Variants in SLC26A11 observed in about 807,000 individuals in gnomAD.
SLC26A11 encodes the protein sodium-independent sulfate anion transporter.
SLC26A11 carries 58 observed loss-of-function variants against 62.2 expected under a neutral mutation model. The ratio of observed to expected loss-of-function variants is 0.93; its 90% confidence interval spans 0.76 to 1.16. The LOEUF is 1.16. Ranked by LOEUF, SLC26A11 falls within the 50% of genes most tolerant of loss-of-function variation. The probability of loss-of-function intolerance (pLI) is 0.00; values close to 1 mark genes in which losing one functional copy is unlikely to be tolerated. For missense variants in SLC26A11, 790 were observed against 794.3 expected (o/e 0.99, Z 0.06); for synonymous variants, 411 against 368.9 (o/e 1.11, Z -1.31).
At chr17:80,245,659 T>G (rs936492749) in intron 11 of SLC26A11, among the ~76,000 whole-genome samples, 1 of 152,172 alleles carries the variant, frequency 6.6e-6, no homozygotes, top group African/African-American at 2.4e-5. Context: ...AAAGCCCTCC[T>G]AGCTCCTGGT....
At chr17:80,229,326 C>G (rs534045362) in intron 7 of SLC26A11, among the ~76,000 whole-genome samples, 1 of 152,258 alleles carries the variant, frequency 6.6e-6, no homozygotes, top group South Asian at 2.1e-4. Flanking sequence ...CTTCCAGTCC[C>G]AGCCTGGCCT....
chr17:80,220,618 TCC>T, intron 1 of SLC26A11, 122 bp downstream of exon 1: 1 of 308,278 alleles, frequency 3.2e-6, no homozygotes, highest in East Asian at 5.3e-5. Flanking sequence ...TGCGGGGGCC[TCC>T]CGTGGGGACC....
At chr17:80,244,974 CAAAAAAAAAAAAAA>C (rs34294039) in intron 10 of SLC26A11, among the ~76,000 whole-genome samples, 3 of 67,726 alleles carry the variant, frequency 4.4e-5, no homozygotes, top group East Asian at 4.5e-4. Context: ...GACTCTGTCT[CAAAAAAAAAAAAAA>C]AAAAAAAAAG....
At position 80,223,310 on chromosome 17, in the gene SLC26A11, C is replaced by T. The variant is rs779579035; in HGVS notation, c.486C>T (p.Ala162=). Residue 162 remains alanine (A), a synonymous_variant, in exon 5 of 18, where the codon GCC becomes GCT. Transcript: ENST00000361193. The surrounding 1 kb of genome is among the most constrained non-coding windows in gnomAD (Gnocchi z 4.6). ...TTAAAGGCTTCACCTCTGCTGCTGCCGTCACCATCGGCTTTGGACAGATCA... is the reference window on the plus strand; with the variant it reads ...TTAAAGGCTTCACCTCTGCTGCTGCTGTCACCATCGGCTTTGGACAGATCA... ...PVIKGFTSAA[A]VTIGFGQIKN... 2.9e-5 allele frequency: 47 copies of T among 1,614,034 alleles called. No homozygotes were observed. Among genetic ancestry groups the T allele is most frequent in the East Asian group, 1.1e-4 (5 of 44,886 alleles).
chr17:80,238,202 A>G (rs1023076954), intron 9 of SLC26A11, among the ~76,000 whole-genome samples: 2 of 152,188 alleles, frequency 1.3e-5, no homozygotes, highest in African/African-American at 4.8e-5. Context: ...TATTAAAAAT[A>G]AAAATTAGCT....
rs897619139 is a variant in SLC26A11, at chr17:80,221,539, AC to A, written c.-13-3del. On this transcript the variant is annotated splice_region_variant and splice_polypyrimidine_tract_variant and intron_variant, in intron 2 of 17. Coordinates refer to ENST00000361193, the MANE Select transcript of SLC26A11 (RefSeq NM_001166347.2). ...CTGACTGCTGGTCTGTGTCACCTGC[AC>A]CCCCCAGCCCCACCGTAGAGATGCC... is the stretch of plus-strand genomic sequence containing the variant. The A allele has an allele frequency of 6.5e-6, 10 of 1,535,184 alleles. No homozygotes were observed. Among genetic ancestry groups the A allele is most frequent in the South Asian group, 2.4e-5 (2 of 83,920 alleles).
chr17:80,252,603 A>C lies in SLC26A11; in HGVS notation c.1730-22A>C, dbSNP rs1421319708. On this transcript the variant is annotated intron_variant, in intron 17 of 17. Transcript: ENST00000361193. This position sits in a 1 kb window ranked among gnomAD's most constrained non-coding sequence, Gnocchi z 5.2. ...CACTTCTGAGCTTTTAGTGCTTGAA[A>C]CATTTATTGTATTTTCTGCAGAGAA... is the stretch of plus-strand genomic sequence containing the variant. The C allele has an allele frequency of 6.2e-7, 1 of 1,610,880 alleles. No homozygotes were observed. The highest frequency in any genetic ancestry group is 1.7e-5 in the Admixed American group (1 of 59,852).
At position 80,248,684 on chromosome 17, in the gene SLC26A11, C is replaced by CG. The variant is rs34379248; in HGVS notation, c.1522+15dup. 124 of 1,559,964 alleles carry CG rather than the reference C, an allele frequency of 7.9e-5. 2 individuals carry two copies. The South Asian group carries it at 1.3e-3, about 17-fold the overall frequency. On this transcript the variant is annotated intron_variant, in intron 15 of 17. Coordinates refer to ENST00000361193, the MANE Select transcript of SLC26A11 (RefSeq NM_001166347.2). ...AGCCGGGCCCTGGAAGGTGCATGGG[C>CG]GGGGGTCAAGGTGGTCTGAGGTCAC...
intron 13 of SLC26A11, among the ~76,000 whole-genome samples, chr17:80,247,097 C>CATTCTTGG (rs2043022700): frequency 6.7e-6 from 1 of 149,540 alleles, no homozygotes; most frequent in South Asian, 2.1e-4. Flanking sequence ...TTTTATTGAT[C>CATTCTTGG]ATTCTTGGGT....
intron 13 of SLC26A11, 30 bp from the exon 14 acceptor site, chr17:80,248,100 G>A (rs754652563): frequency 8.9e-6 from 14 of 1,580,154 alleles, no homozygotes; most frequent in Admixed American, 5.1e-5. Flanking sequence ...GGCAGCTGCC[G>A]GGCATTCCTC....
intron 5 of SLC26A11, among the ~76,000 whole-genome samples, chr17:80,224,330 AGT>A (rs747457343): frequency 1.7e-4 from 24 of 142,612 alleles, no homozygotes; most frequent in South Asian, 6.7e-4. Flanking sequence ...AGTGTGTATG[AGT>A]GAGAGTGTGA....
chr17:80,252,788 G>A lies in SLC26A11; in HGVS notation c.*72G>A. ...TTCTTGTCACTGTGATTGGATGCTG[G>A]ATGCCGCCTGATAGACATGCTGGCC... is the stretch of plus-strand genomic sequence containing the variant. On this transcript the variant is annotated 3_prime_UTR_variant, in exon 18 of 18. Transcript: ENST00000361193. This position sits in a 1 kb window ranked among gnomAD's most constrained non-coding sequence, Gnocchi z 5.2. 7.4e-7 allele frequency: 1 copy of A among 1,347,922 alleles called. No individual in the cohort carries two copies. The highest frequency in any genetic ancestry group is 1.0e-6 in the Non-Finnish European group (1 of 956,580). 83.5% of individuals were successfully genotyped at this position (1,347,922 alleles called of 1,614,324 possible).
chr17:80,246,626 T>G lies in SLC26A11; in HGVS notation c.1271T>G (p.Phe424Cys). Residue 424 changes from phenylalanine (F) to cysteine (C), a missense_variant, in exon 13 of 18, where the codon TTC (phenylalanine) becomes TGC (cysteine). By Grantham distance (205) the Phe-to-Cys change is radical. Coordinates refer to ENST00000361193, the MANE Select transcript of SLC26A11 (RefSeq NM_001166347.2). The surrounding 1 kb of genome is among the most constrained non-coding windows in gnomAD (Gnocchi z 4.4). ...AVAPLFDTKI[F>C]RTLWRVKRLD... ...GCCCCGCTGTTCGACACCAAGATCT[T>G]CAGGACGCTCTGGCGTGTTAAGAGT... The G allele has an allele frequency of 6.2e-7, 1 of 1,613,948 alleles. No individual in the cohort carries two copies. The highest frequency in any genetic ancestry group is 8.5e-7 in the Non-Finnish European group (1 of 1,179,986).
intron 10 of SLC26A11, among the ~76,000 whole-genome samples, chr17:80,243,300 C>G (rs1317133004): frequency 6.6e-6 from 1 of 152,198 alleles, no homozygotes; most frequent in East Asian, 1.9e-4. Flanking sequence ...GAATCACGCA[C>G]TTTCAGGCTG....
intron 9 of SLC26A11, among the ~76,000 whole-genome samples, chr17:80,239,643 C>G (rs1327283432): frequency 6.6e-6 from 1 of 152,212 alleles, no homozygotes; most frequent in East Asian, 1.9e-4. Context: ...TCTCAAAGTG[C>G]TGGGATTACA....
chr17:80,225,708 C>T lies in SLC26A11; in HGVS notation c.514-129C>T, dbSNP rs146394408. 2.8e-4 allele frequency: 225 copies of T among 804,046 alleles called. 1 individual carries two copies. The East Asian group carries it at 4.6e-3, about 16-fold the overall frequency. 49.8% of individuals were successfully genotyped at this position (804,046 alleles called of 1,614,324 possible). A position where few individuals can be genotyped will look rare whatever the true frequency, so the allele number is the denominator to read the frequency against. On this transcript the variant is annotated intron_variant, in intron 5 of 17. Transcript: ENST00000361193. ...ACCCCTGAGCCCCTAAGATGGGCCC[C>T]GGGAATAAGGGTTGGGAGCAGGGCC...
At chr17:80,240,366 C>CA (rs1234286289) in intron 9 of SLC26A11, among the ~76,000 whole-genome samples, 8 of 144,626 alleles carry the variant, frequency 5.5e-5, no homozygotes, top group Non-Finnish European at 9.2e-5. Context: ...GACTCCGTCT[C>CA]AAAAAAAAAA....
Position 80,246,549 on chromosome 17 carries a change from G to A in SLC26A11, c.1194G>A (p.Leu398=), listed in dbSNP as rs1567965839. The A allele has an allele frequency of 6.2e-7, 1 of 1,613,502 alleles. No homozygotes were observed. The highest frequency in any genetic ancestry group is 1.1e-5 in the South Asian group (1 of 91,084). The change falls in exon 13 of 18, where the codon CTG becomes CTA. Residue 398 remains leucine, a synonymous_variant. Coordinates refer to ENST00000361193, the MANE Select transcript of SLC26A11 (RefSeq NM_001166347.2). The surrounding 1 kb of genome is among the most constrained non-coding windows in gnomAD (Gnocchi z 4.4). ...VLLSLDYLTS[L]FYYIPKSALA... ...TGTCTCTGGACTACCTGACCTCACT[G>A]TTCTACTACATCCCCAAGTCTGCCC...
In SLC26A11 at chr17:80,224,448, TGAGTGTGAGAGTGTGA is replaced by T. The variant is rs778835719; in HGVS notation, c.513+1113_513+1128del. ...GAGAGTGGGTGTGGGTGTGAGAGTG[TGAGTGTGAGAGTGTGA>T]GTGTGTGAGTGTGAGAATAAAGTAG... On this transcript the variant is annotated intron_variant, in intron 5 of 17. Transcript: ENST00000361193. Among the ~76,000 whole-genome samples, 184 of 142,924 alleles carry T rather than the reference TGAGTGTGAGAGTGTGA, an allele frequency of 1.3e-3. 2 individuals are homozygous for T. The highest frequency in any genetic ancestry group is 4.5e-3 in the African/African-American group (175 of 38,910). 93.8% of individuals were successfully genotyped at this position (142,924 alleles called of 152,430 possible). A position where few individuals can be genotyped will look rare whatever the true frequency, so the allele number is the denominator to read the frequency against.
Sources: gnomAD v4.1 joint callset for allele counts (sites outside exome capture counted in the v4.1 genomes callset) on GRCh38, gnomAD v4.1.1 for gene constraint, Gnocchi (gnomAD v3.1) non-coding constraint, MANE v1.5 for transcripts, NCBI Gene and HGNC (gene_info 2026-07-23, HGNC 2026-07-21) for gene names.